NDST4: variants seen among roughly 807,000 people sequenced by gnomAD.
NDST4 encodes the protein N-heparan sulfate sulfotransferase 4.
A neutral mutation model predicts 100.8 loss-of-function variants in NDST4; 63 were observed. The observed-to-expected ratio is 0.62, with a 90% CI of 0.51 to 0.77. The LOEUF (loss-of-function observed/expected upper bound fraction) is 0.77. Among genes scored for constraint, NDST4 ranks in the 30% least tolerant of loss-of-function variants. The pLI is 0.00. For missense variants in NDST4, 943 were observed against 1,018.4 expected (o/e 0.93, Z 1.01); for synonymous variants, 377 against 361.8 (o/e 1.04, Z -0.48).
rs147836242 is a variant in NDST4, at chr4:115,088,148, C to A, written c.-246-10866G>T. Reference sequence around the variant, plus strand: ...TAAGCCACATGGTCCCTCTCCCTAGCTCCACAATCTTCTACTTTACAAAAA... The same window carrying A: ...TAAGCCACATGGTCCCTCTCCCTAGATCCACAATCTTCTACTTTACAAAAA... On this transcript the variant is annotated intron_variant, in intron 1 of 13. Coordinates refer to ENST00000264363, the MANE Select transcript of NDST4 (RefSeq NM_022569.3). Among the ~76,000 whole-genome samples, 761 of 151,958 alleles carry A rather than the reference C, an allele frequency of 5.0e-3. 4 individuals carry two copies. Among genetic ancestry groups the A allele is most frequent in the African/African-American group, 0.018 (732 of 41,488 alleles).
At chr4:115,050,453 G>GAATGTAATCT (rs1369160562) in intron 2 of NDST4, among the ~76,000 whole-genome samples, 1 of 151,680 alleles carries the variant, frequency 6.6e-6, no homozygotes, top group Non-Finnish European at 1.5e-5. Context: ...CTGCTGTTTA[G>GAATGTAATCT]AATGTAAGAT....
intron 6 of NDST4, among the ~76,000 whole-genome samples, chr4:114,898,912 G>A (rs1394526315): frequency 1.3e-5 from 2 of 150,358 alleles, no homozygotes; most frequent in Non-Finnish European, 3.0e-5. Context: ...TTCCAGGAGG[G>A]TTTTTTTTTG....
intron 6 of NDST4, among the ~76,000 whole-genome samples, chr4:114,928,253 G>A (rs1578394143): frequency 6.6e-6 from 1 of 152,168 alleles, no homozygotes; most frequent in African/African-American, 2.4e-5. Flanking sequence ...TTCTTTTTCT[G>A]GTTACTTCTT....
chr4:115,068,815 CAAAA>C (rs34003720), intron 2 of NDST4, among the ~76,000 whole-genome samples: 1 of 77,612 alleles, frequency 1.3e-5, no homozygotes, highest in Non-Finnish European at 3.0e-5. Context: ...GGCTCCATCT[CAAAA>C]AAAAAAAAAA....
At chr4:114,833,337 TA>T (rs1415138682) in intron 12 of NDST4, among the ~76,000 whole-genome samples, 1 of 152,138 alleles carries the variant, frequency 6.6e-6, no homozygotes. Flanking sequence ...GGTAGGCATA[TA>T]AAAAATTTAC....
chr4:114,972,341 A>T (rs1290011711), intron 3 of NDST4, among the ~76,000 whole-genome samples: 1 of 152,034 alleles, frequency 6.6e-6, no homozygotes. Flanking sequence ...TTTGAAAGGT[A>T]TAAGGACCTT....
At chr4:115,054,594 G>A (rs752020256) in intron 2 of NDST4, among the ~76,000 whole-genome samples, 22 of 151,958 alleles carry the variant, frequency 1.4e-4, no homozygotes, top group Non-Finnish European at 2.4e-4. Context: ...TATAGTTATT[G>A]GAAAAGTGAG....
intron 4 of NDST4, among the ~76,000 whole-genome samples, chr4:114,962,429 T>C (rs1212687396): frequency 1.3e-5 from 2 of 151,970 alleles, no homozygotes; most frequent in Non-Finnish European, 2.9e-5. Flanking sequence ...ACTGAAAAAC[T>C]CTAAAAATAA....
At chr4:114,955,999 C>T (rs924477124) in intron 4 of NDST4, 1 of 152,226 alleles carries the variant, frequency 6.6e-6, no homozygotes, top group African/African-American at 2.4e-5. Context: ...TTCTAGTTAA[C>T]AGCAAATTTG....
chr4:115,111,181 C>G (rs1729944414), intron 1 of NDST4, among the ~76,000 whole-genome samples: 1 of 151,920 alleles, frequency 6.6e-6, no homozygotes. Flanking sequence ...AACATTTAAC[C>G]TACTGGGGAC....
At chr4:114,839,882 C>G (rs1723389917) in intron 10 of NDST4, among the ~76,000 whole-genome samples, 1 of 152,074 alleles carries the variant, frequency 6.6e-6, no homozygotes, top group Admixed American at 6.6e-5. Flanking sequence ...AGGTGCAAGG[C>G]AGAGGTAGGA....
chr4:114,939,566 A>G (rs1725703551), intron 4 of NDST4, among the ~76,000 whole-genome samples: 1 of 152,172 alleles, frequency 6.6e-6, no homozygotes, highest in African/African-American at 2.4e-5. Flanking sequence ...TCCTAGATAC[A>G]AAGCAATGAA....
At chr4:115,042,818 A>G (rs1728381904) in intron 2 of NDST4, among the ~76,000 whole-genome samples, 1 of 152,050 alleles carries the variant, frequency 6.6e-6, no homozygotes, top group African/African-American at 2.4e-5. Flanking sequence ...GAAGTTCCCA[A>G]ACTTTTTCAT....
At chr4:114,842,647 A>G (rs1723452692) in intron 10 of NDST4, 1 of 273,412 alleles carries the variant, frequency 3.7e-6, no homozygotes, top group Admixed American at 4.7e-5. Context: ...AAAAAAAAAA[A>G]AAAATTAGCC....
intron 2 of NDST4, among the ~76,000 whole-genome samples, chr4:115,009,715 C>T (rs1578450042): frequency 1.8e-5 from 2 of 113,996 alleles, no homozygotes; most frequent in Middle Eastern, 5.2e-3. Context: ...AGCTTCTGCA[C>T]AGCAAAAGAA....
intron 1 of NDST4, among the ~76,000 whole-genome samples, chr4:115,113,138 T>G (rs1187795540): frequency 6.6e-6 from 1 of 151,992 alleles, no homozygotes; most frequent in Non-Finnish European, 1.5e-5. Context: ...AAAGTTGTTA[T>G]CAAATAAGAT....
intron 6 of NDST4, among the ~76,000 whole-genome samples, chr4:114,923,720 C>T (rs916072012): frequency 4.6e-5 from 7 of 151,526 alleles, no homozygotes; most frequent in African/African-American, 1.7e-4. Context: ...TATTGCATGC[C>T]CCAAAATATA....
chr4:114,895,170 A>G (rs1198808349), intron 6 of NDST4, among the ~76,000 whole-genome samples: 2 of 152,074 alleles, frequency 1.3e-5, no homozygotes, highest in African/African-American at 4.8e-5. Context: ...GACTTGAAAA[A>G]CCATCCAAGA....
chr4:114,907,267 A>C (rs1001036299), intron 6 of NDST4, among the ~76,000 whole-genome samples: 1 of 152,154 alleles, frequency 6.6e-6, no homozygotes, highest in Non-Finnish European at 1.5e-5. Flanking sequence ...GGCCCAGAAT[A>C]AGGGCACAAG....
Sources: gnomAD v4.1 joint callset for allele counts (sites outside exome capture counted in the v4.1 genomes callset) on GRCh38, gnomAD v4.1.1 for gene constraint, MANE v1.5 for transcripts, NCBI Gene and HGNC (gene_info 2026-07-23, HGNC 2026-07-21) for gene names.